DOCK4: variants seen among roughly 807,000 people sequenced by gnomAD.
The protein encoded by DOCK4 is dedicator of cytokinesis protein 4.
DOCK4 carries 97 observed loss-of-function variants against 268.1 expected under a neutral mutation model. The observed-to-expected ratio is 0.36, with a 90% confidence interval of 0.31 to 0.43. The LOEUF (loss-of-function observed/expected upper bound fraction) is 0.43. DOCK4 is among the 20% of genes least tolerant of loss of function. The pLI is 1.00. For missense variants in DOCK4, 2,145 were observed against 2,455.7 expected (o/e 0.87, Z 2.67); for synonymous variants, 954 against 887.2 (o/e 1.08, Z -1.34).
chr7:112,125,401 T>C (rs754487111), intron 1 of DOCK4, among the ~76,000 whole-genome samples: 6 of 152,244 alleles, frequency 3.9e-5, no homozygotes, highest in Non-Finnish European at 7.3e-5. Flanking sequence ...GTTGCTTCCA[T>C]TGACCTGTAG....
At chr7:111,796,410 C>A (rs955067199) in intron 30 of DOCK4, among the ~76,000 whole-genome samples, 8 of 152,338 alleles carry the variant, frequency 5.3e-5, no homozygotes, top group Admixed American at 3.9e-4. Flanking sequence ...CAGTACATTG[C>A]AGCTTTGCAA....
At chr7:111,962,135 C>G (rs991975573) in intron 8 of DOCK4, among the ~76,000 whole-genome samples, 1 of 152,058 alleles carries the variant, frequency 6.6e-6, no homozygotes, top group African/African-American at 2.4e-5. Context: ...CAAATCACAC[C>G]TCTGATTCCA....
chr7:111,750,862 T>C (rs1265842224), intron 42 of DOCK4, among the ~76,000 whole-genome samples: 1 of 152,138 alleles, frequency 6.6e-6, no homozygotes, highest in African/African-American at 2.4e-5. Flanking sequence ...AAAACAAATA[T>C]ACTTATATCC....
intron 15 of DOCK4, among the ~76,000 whole-genome samples, chr7:111,899,487 T>C (rs564515955): frequency 3.3e-5 from 5 of 152,048 alleles, no homozygotes; most frequent in South Asian, 4.2e-4. Context: ...CTGGGGGTAG[T>C]TGGGGGAGAG....
At chr7:112,182,110 A>T (rs1819103784) in intron 1 of DOCK4, among the ~76,000 whole-genome samples, 1 of 152,194 alleles carries the variant, frequency 6.6e-6, no homozygotes, top group African/African-American at 2.4e-5. Flanking sequence ...AACTTAGACA[A>T]GTTACCTGAT....
intron 1 of DOCK4, among the ~76,000 whole-genome samples, chr7:112,195,434 G>A (rs62476056): frequency 6.6e-6 from 1 of 152,086 alleles, no homozygotes; most frequent in Non-Finnish European, 1.5e-5. Context: ...AGAACTGCCT[G>A]TTGATGTTTT....
intron 1 of DOCK4, among the ~76,000 whole-genome samples, chr7:112,066,690 C>CATATATATATAT (rs751631282): frequency 8.6e-4 from 18 of 20,958 alleles, no homozygotes; most frequent in Non-Finnish European, 1.4e-3. Flanking sequence ...TATACATATA[C>CATATATATATAT]ATATATATAT....
At chr7:111,786,891 T>A (rs1319888883) in intron 32 of DOCK4, among the ~76,000 whole-genome samples, 1 of 152,202 alleles carries the variant, frequency 6.6e-6, no homozygotes, top group Non-Finnish European at 1.5e-5. Context: ...TCACTTTTGA[T>A]TTGATTTATT....
intron 39 of DOCK4, among the ~76,000 whole-genome samples, chr7:111,761,271 G>C (rs937041435): frequency 2.0e-5 from 3 of 152,126 alleles, no homozygotes; most frequent in Non-Finnish European, 2.9e-5. Flanking sequence ...TGTTGGCCAG[G>C]CTGGCCTTGA....
At chr7:112,019,708 GA>G (rs1358124052) in intron 1 of DOCK4, among the ~76,000 whole-genome samples, 1 of 152,042 alleles carries the variant, frequency 6.6e-6, no homozygotes, top group Non-Finnish European at 1.5e-5. Flanking sequence ...ATAGCTAAAG[GA>G]AATACAATTT....
rs141915958 is a variant in DOCK4, at chr7:112,066,309, C to T, written c.38-62178G>A. On this transcript the variant is annotated intron_variant, in intron 1 of 52. Coordinates refer to ENST00000428084, the MANE Select transcript of DOCK4 (RefSeq NM_001363540.2). ...CTTTTACTGTCCTTGGACATAAGTC[C>T]AGGTTCTCAGGCCTTCAGCCTGAGC... Among the ~76,000 whole-genome samples, 56 of 152,126 alleles carry T rather than the reference C, an allele frequency of 3.7e-4. No homozygotes were observed. The East Asian group carries it at 0.011, about 29-fold the overall frequency.
chr7:112,016,380 A>G (rs1801808158), intron 1 of DOCK4, among the ~76,000 whole-genome samples: 1 of 152,190 alleles, frequency 6.6e-6, no homozygotes, highest in African/African-American at 2.4e-5. Context: ...TCTCATCAGG[A>G]GGTACATGAT....
At chr7:111,954,930 A>G (rs771552814) in intron 8 of DOCK4, among the ~76,000 whole-genome samples, 1 of 152,132 alleles carries the variant, frequency 6.6e-6, no homozygotes, top group Non-Finnish European at 1.5e-5. Flanking sequence ...CACCCTGGAG[A>G]TCCTGATTGA....
At chr7:111,933,087 T>C (rs1014230533) in intron 12 of DOCK4, among the ~76,000 whole-genome samples, 4 of 141,420 alleles carry the variant, frequency 2.8e-5, no homozygotes, top group African/African-American at 8.0e-5. Flanking sequence ...CACATATATA[T>C]ACGTATATAC....
At chr7:111,791,070 T>TATATATATATA (rs1554593887) in intron 30 of DOCK4, among the ~76,000 whole-genome samples, 21 of 95,428 alleles carry the variant, frequency 2.2e-4, no homozygotes, top group African/African-American at 1.2e-3. Flanking sequence ...AAAAAAAAAA[T>TATATATATATA]TATATATATA....
intron 6 of DOCK4, among the ~76,000 whole-genome samples, chr7:111,987,743 G>C (rs529976106): frequency 6.6e-6 from 1 of 152,190 alleles, no homozygotes; most frequent in Non-Finnish European, 1.5e-5. Flanking sequence ...GACATGAAGA[G>C]GGTTAAGGAA....
intron 30 of DOCK4, among the ~76,000 whole-genome samples, chr7:111,799,225 A>C (rs570390923): frequency 6.6e-6 from 1 of 152,356 alleles, no homozygotes; most frequent in African/African-American, 2.4e-5. Flanking sequence ...GCCAGGCTCC[A>C]GCCAATGGAA....
At chr7:111,962,651 C>A (rs920944159) in intron 8 of DOCK4, among the ~76,000 whole-genome samples, 4 of 149,436 alleles carry the variant, frequency 2.7e-5, no homozygotes, top group Admixed American at 2.6e-4. Context: ...TTAAAAAAAT[C>A]TTTACCTCAC....
chr7:112,188,281 T>C (rs1458382452), intron 1 of DOCK4, among the ~76,000 whole-genome samples: 2 of 152,344 alleles, frequency 1.3e-5, no homozygotes, highest in Middle Eastern at 3.4e-3. Context: ...ACAGTTCCAA[T>C]GACATCTAGT....
Sources: gnomAD v4.1 joint callset for allele counts (sites outside exome capture counted in the v4.1 genomes callset) on GRCh38, gnomAD v4.1.1 for gene constraint, MANE v1.5 for transcripts, NCBI Gene and HGNC (gene_info 2026-07-23, HGNC 2026-07-21) for gene names.